MICAL3: variants seen among roughly 807,000 people sequenced by gnomAD.
MICAL3 encodes the protein microtubule associated monooxygenase, calponin and LIM domain containing 3, also known as [F-actin]-monooxygenase MICAL3.
Under a neutral mutation model 207.4 loss-of-function variants are expected in MICAL3, and 62 were observed. The ratio of observed to expected loss-of-function variants is 0.30; its 90% CI spans 0.24 to 0.37. The LOEUF (loss-of-function observed/expected upper bound fraction) is 0.37, where lower values mean the gene tolerates loss of function less well. MICAL3 is among the 10% of genes least tolerant of loss of function. The probability of loss-of-function intolerance (pLI) is 1.00; values close to 1 mark genes in which losing one functional copy is unlikely to be tolerated. For missense variants in MICAL3, 2,368 were observed against 2,635.6 expected (o/e 0.90, Z 2.22); for synonymous variants, 1,077 against 1,069.3 (o/e 1.01, Z -0.14).
At chr22:17,821,293 T>C in intron 25 of MICAL3, 134 bp downstream of exon 25, 2 of 685,724 alleles carry the variant, frequency 2.9e-6, no homozygotes, top group Non-Finnish European at 4.7e-6. Context: ...TTCCTCAGAA[T>C]GAGGAGGCCA....
At chr22:18,006,805 C>T (rs1348923469) in intron 1 of MICAL3, among the ~76,000 whole-genome samples, 1 of 152,098 alleles carries the variant, frequency 6.6e-6, no homozygotes, top group Non-Finnish European at 1.5e-5. Context: ...TGCACTCCAG[C>T]GTGGGCAACA....
chr22:17,824,426 T>C (rs1921954836), intron 22 of MICAL3, among the ~76,000 whole-genome samples: 1 of 152,210 alleles, frequency 6.6e-6, no homozygotes, highest in Non-Finnish European at 1.5e-5. Flanking sequence ...TAGCATCTTC[T>C]CTCCACAGGC....
At chr22:18,015,378 A>G (rs778578221) in intron 1 of MICAL3, among the ~76,000 whole-genome samples, 1 of 151,786 alleles carries the variant, frequency 6.6e-6, no homozygotes. Flanking sequence ...AAGGCAGTAT[A>G]ATAACAGCAA....
chr22:17,848,066 T>G (rs545056779), intron 19 of MICAL3, among the ~76,000 whole-genome samples: 4 of 152,346 alleles, frequency 2.6e-5, no homozygotes, highest in African/African-American at 9.6e-5. Flanking sequence ...GAACCCATTC[T>G]GAACCGCAAC....
chr22:17,989,499 A>G (rs1921420928), intron 1 of MICAL3, among the ~76,000 whole-genome samples: 1 of 151,804 alleles, frequency 6.6e-6, no homozygotes, highest in African/African-American at 2.4e-5. Flanking sequence ...ATCAATGCTG[A>G]AGGCAACCCC....
chr22:17,950,800 C>T (rs1411453730), intron 1 of MICAL3, among the ~76,000 whole-genome samples: 2 of 152,200 alleles, frequency 1.3e-5, no homozygotes, highest in African/African-American at 2.4e-5. Context: ...GTCACACTCA[C>T]GACAGATGTC....
At chr22:17,962,703 A>G (rs1420964004) in intron 1 of MICAL3, among the ~76,000 whole-genome samples, 1 of 98,114 alleles carries the variant, frequency 1.0e-5, no homozygotes, top group South Asian at 2.9e-4. Flanking sequence ...AGCAATTTCC[A>G]AGGACCCTTT....
intron 1 of MICAL3, among the ~76,000 whole-genome samples, chr22:17,977,947 G>C (rs1395288497): frequency 6.6e-6 from 1 of 152,040 alleles, no homozygotes; most frequent in Non-Finnish European, 1.5e-5. Flanking sequence ...ACTTGAACCT[G>C]GGAGGCGGAG....
intron 19 of MICAL3, chr22:17,862,916 T>C: frequency 1.0e-6 from 1 of 985,412 alleles, no homozygotes; most frequent in Non-Finnish European, 1.2e-6. Context: ...GGACACCACA[T>C]TTTGAACTCC....
intron 1 of MICAL3, among the ~76,000 whole-genome samples, chr22:17,930,951 G>C (rs1379931100): frequency 6.6e-6 from 1 of 152,238 alleles, no homozygotes. Context: ...GACCCAACTG[G>C]ACAGCAGCTT....
At chr22:17,877,247 G>A (rs867575084) in intron 16 of MICAL3, among the ~76,000 whole-genome samples, 11 of 93,782 alleles carry the variant, frequency 1.2e-4, no homozygotes, top group South Asian at 6.2e-4. Flanking sequence ...AGGTTAGGGA[G>A]GTTAGGGAGG....
intron 1 of MICAL3, among the ~76,000 whole-genome samples, chr22:17,932,575 G>C (rs2146321305): frequency 6.6e-6 from 1 of 152,148 alleles, no homozygotes; most frequent in Non-Finnish European, 1.5e-5. Context: ...TCAATTAATG[G>C]GCAAAATAAC....
chr22:17,930,038 G>A (rs1486849288), intron 1 of MICAL3, among the ~76,000 whole-genome samples: 1 of 152,124 alleles, frequency 6.6e-6, no homozygotes, highest in African/African-American at 2.4e-5. Flanking sequence ...TCACAAAAGA[G>A]GACACTCAAA....
chr22:18,017,905 C>G (rs1375138839), intron 1 of MICAL3, among the ~76,000 whole-genome samples: 1 of 151,960 alleles, frequency 6.6e-6, no homozygotes, highest in Non-Finnish European at 1.5e-5. Flanking sequence ...TGCCCGCCAC[C>G]ACGCCCGGCT....
At chr22:17,858,379 T>C (rs1243955728) in intron 19 of MICAL3, 1 of 739,880 alleles carries the variant, frequency 1.4e-6, no homozygotes, top group Admixed American at 6.3e-5. Flanking sequence ...TGTGAGGCGC[T>C]TGGCTGGGTG....
At chr22:17,959,242 C>T (rs1209182290) in intron 1 of MICAL3, among the ~76,000 whole-genome samples, 1 of 151,198 alleles carries the variant, frequency 6.6e-6, no homozygotes, top group Admixed American at 6.6e-5. Context: ...GTCTCGATCT[C>T]CTGACCTTGT....
rs1931364518 is a variant in MICAL3 at position 17,902,045 on chromosome 22, T to C, written c.590-66A>G. 8.9e-7 allele frequency: 1 copy of C among 1,120,622 alleles called. No homozygotes were observed. Among genetic ancestry groups the C allele is most frequent in the Non-Finnish European group, 1.3e-6 (1 of 761,466 alleles). 69.4% of individuals were successfully genotyped at this position (1,120,622 alleles called of 1,614,324 possible). ...CCACATTCACAGCCAGGACCATCTC[T>C]AGATACCCAGTCATGTGAACTGCAC... is the stretch of plus-strand genomic sequence containing the variant. On this transcript the variant is annotated intron_variant, in intron 4 of 31. Transcript: ENST00000441493. This position sits in a 1 kb window ranked among gnomAD's most constrained non-coding sequence, Gnocchi z 4.5.
At chr22:17,862,795 C>T in intron 19 of MICAL3, 1 of 985,524 alleles carries the variant, frequency 1.0e-6, no homozygotes. Flanking sequence ...GTTCTGGACT[C>T]TGAGCTGCCG....
intron 22 of MICAL3, among the ~76,000 whole-genome samples, chr22:17,825,019 T>A (rs985464616): frequency 1.3e-5 from 2 of 152,114 alleles, no homozygotes; most frequent in Admixed American, 6.5e-5. Flanking sequence ...CAGGGATCAA[T>A]ATGGCAACTC....
Sources: allele counts gnomAD v4.1 joint callset (sites outside exome capture counted in the v4.1 genomes callset), GRCh38; gene constraint gnomAD v4.1.1; non-coding constraint Gnocchi (gnomAD v3.1); transcripts MANE v1.5; gene names NCBI Gene and HGNC (gene_info 2026-07-23, HGNC 2026-07-21).